MKLN1: variants seen among roughly 807,000 people sequenced by gnomAD.
MKLN1 encodes the protein muskelin 1.
In MKLN1, 18 loss-of-function variants were observed where a neutral mutation model predicts 99.0. The ratio of observed to expected loss-of-function variants is 0.18; its 90% CI spans 0.13 to 0.27. The LOEUF (loss-of-function observed/expected upper bound fraction) is 0.27. Ranked by LOEUF, MKLN1 falls within the 10% of genes least tolerant of loss-of-function variation. The probability of loss-of-function intolerance (pLI) is 1.00; values close to 1 mark genes in which losing one functional copy is unlikely to be tolerated. For missense variants in MKLN1, 621 were observed against 875.9 expected, an observed-to-expected ratio of 0.71 and a Z score of 3.67; for synonymous variants, 288 against 293.2, an observed-to-expected ratio of 0.98 and a Z score of 0.18.
At chr7:131,309,059 A>G (rs943049540) in intron 3 of MKLN1, among the ~76,000 whole-genome samples, 1 of 152,226 alleles carries the variant, frequency 6.6e-6, no homozygotes, top group Non-Finnish European at 1.5e-5. Flanking sequence ...ATAAGGTTCA[A>G]TATGTCTCAA....
chr7:131,153,661 T>TTG (rs552980313), intron 2 of MKLN1, among the ~76,000 whole-genome samples: 2 of 47,086 alleles, frequency 4.2e-5, no homozygotes, highest in Admixed American at 4.0e-4. Context: ...TAGGTTTTTT[T>TTG]TGGTTTTTTT....
At chr7:131,262,385 C>T (rs1217373008) in intron 3 of MKLN1, among the ~76,000 whole-genome samples, 2 of 151,602 alleles carry the variant, frequency 1.3e-5, no homozygotes. Context: ...TGCAGTGAGC[C>T]GAGATTGTGC....
chr7:131,437,210 G>A (rs992615921), intron 9 of MKLN1, among the ~76,000 whole-genome samples: 1 of 151,972 alleles, frequency 6.6e-6, no homozygotes, highest in Non-Finnish European at 1.5e-5. Flanking sequence ...TTCTCCTAAT[G>A]CTATCCCTCC....
chr7:131,265,331 A>G (rs1797792518), intron 3 of MKLN1, among the ~76,000 whole-genome samples: 1 of 152,196 alleles, frequency 6.6e-6, no homozygotes, highest in African/African-American at 2.4e-5. Flanking sequence ...CAGTATAGTC[A>G]TCCATCCTGT....
intron 10 of MKLN1, among the ~76,000 whole-genome samples, chr7:131,439,228 A>G (rs1478477967): frequency 6.6e-6 from 1 of 152,124 alleles, no homozygotes. Flanking sequence ...ATTGTTAGGG[A>G]ACAATTTATT....
At chr7:131,383,945 A>G (rs943343561) in intron 2 of MKLN1, among the ~76,000 whole-genome samples, 3 of 152,182 alleles carry the variant, frequency 2.0e-5, no homozygotes, top group Non-Finnish European at 4.4e-5. Context: ...CATTGTGTGC[A>G]TATGTGTGTG....
chr7:131,420,566 T>A (rs1795163136), intron 8 of MKLN1, among the ~76,000 whole-genome samples: 1 of 152,244 alleles, frequency 6.6e-6, no homozygotes, highest in Non-Finnish European at 1.5e-5. Flanking sequence ...TACATAGGTA[T>A]GTCAAGTAAG....
intron 2 of MKLN1, among the ~76,000 whole-genome samples, chr7:131,185,301 G>A (rs902940566): frequency 2.0e-5 from 3 of 152,114 alleles, no homozygotes; most frequent in East Asian, 1.9e-4. Flanking sequence ...CTAGGGGCCC[G>A]GCACGGTGGC....
At chr7:131,328,169 CG>C (rs1167871527) in intron 1 of MKLN1, 172 bp downstream of exon 1, 3 of 811,474 alleles carry the variant, frequency 3.7e-6, no homozygotes, top group Non-Finnish European at 5.7e-6. Flanking sequence ...CGGCCTCGCT[CG>C]GGAAGGGGTT....
chr7:131,397,082 T>C (rs1388638405), intron 4 of MKLN1, among the ~76,000 whole-genome samples, 185 bp from the exon 5 acceptor site: 7 of 152,356 alleles, frequency 4.6e-5, no homozygotes, highest in South Asian at 2.1e-4. Context: ...GGAAATCTTA[T>C]GGTGGCATGG....
intron 2 of MKLN1, among the ~76,000 whole-genome samples, chr7:131,152,477 G>T (rs1795901239): frequency 6.7e-6 from 1 of 148,214 alleles, no homozygotes; most frequent in African/African-American, 2.5e-5. Context: ...ACTTACTTTT[G>T]TTGTTGTTGT....
intron 6 of MKLN1, among the ~76,000 whole-genome samples, chr7:131,405,363 T>A (rs558031856): frequency 5.6e-4 from 85 of 152,104 alleles, no homozygotes; most frequent in Admixed American, 9.8e-4. Flanking sequence ...ATATATATAT[T>A]TTTCCATCAG....
intron 8 of MKLN1, among the ~76,000 whole-genome samples, chr7:131,420,140 G>A (rs1460874851): frequency 6.6e-6 from 1 of 151,786 alleles, no homozygotes; most frequent in Non-Finnish European, 1.5e-5. Context: ...GTATACATGT[G>A]TAACAAACCT....
intron 3 of MKLN1, among the ~76,000 whole-genome samples, chr7:131,317,975 C>T (rs914515167): frequency 6.6e-6 from 1 of 152,012 alleles, no homozygotes; most frequent in African/African-American, 2.4e-5. Context: ...TCTTAGAGAC[C>T]TATAAAGAGA....
At chr7:131,387,976 G>T (rs984395828) in intron 3 of MKLN1, among the ~76,000 whole-genome samples, 22 of 152,154 alleles carry the variant, frequency 1.4e-4, no homozygotes, top group Non-Finnish European at 2.5e-4. Flanking sequence ...AGACCAGCCT[G>T]GCCAGCACAG....
intron 17 of MKLN1, among the ~76,000 whole-genome samples, chr7:131,480,295 T>A (rs1797086476): frequency 6.6e-6 from 1 of 152,242 alleles, no homozygotes; most frequent in Admixed American, 6.5e-5. Context: ...ATATAAATAC[T>A]ATTTTTTATG....
chr7:131,444,735 G>T (rs1187665459), intron 11 of MKLN1, among the ~76,000 whole-genome samples: 1 of 127,668 alleles, frequency 7.8e-6, no homozygotes, highest in Non-Finnish European at 1.6e-5. Flanking sequence ...AGTAGTAGTA[G>T]TAGTAGTAGT....
intron 3 of MKLN1, among the ~76,000 whole-genome samples, chr7:131,272,930 A>G (rs1159120170): frequency 6.6e-6 from 1 of 152,234 alleles, no homozygotes; most frequent in Non-Finnish European, 1.5e-5. Flanking sequence ...GCCAAACCAT[A>G]TCAAGCAGGG....
intron 1 of MKLN1, among the ~76,000 whole-genome samples, chr7:131,135,411 C>T (rs1475371345): frequency 6.6e-6 from 1 of 152,242 alleles, no homozygotes; most frequent in Admixed American, 6.5e-5. Context: ...TGAGCCACTG[C>T]GTCTGGCCTC....
Sources: gnomAD v4.1 joint callset for allele counts (sites outside exome capture counted in the v4.1 genomes callset) on GRCh38, gnomAD v4.1.1 for gene constraint, MANE v1.5 for transcripts, NCBI Gene and HGNC (gene_info 2026-07-23, HGNC 2026-07-21) for gene names.